Variants in ITLN2 observed in about 807,000 individuals in gnomAD.
ITLN2 encodes the protein intelectin-2.
In ITLN2, 29 loss-of-function variants were observed where a neutral mutation model predicts 39.4. The ratio of observed to expected loss-of-function variants is 0.74; its 90% CI spans 0.55 to 1.00. The LOEUF (loss-of-function observed/expected upper bound fraction) is 1.00. ITLN2 is among the 50% of genes least tolerant of loss of function. The pLI, the probability that ITLN2 is intolerant of heterozygous loss-of-function variation, is 0.00. For synonymous variants in ITLN2, 156 were observed against 153.4 expected (o/e 1.02, Z -0.12); for missense variants, 412 against 416.7 (o/e 0.99, Z 0.10).
intron 6 of ITLN2, chr1:160,949,748 A>G (rs1671696288): frequency 6.9e-6 from 2 of 289,118 alleles, no homozygotes; most frequent in African/African-American, 4.2e-5. Flanking sequence ...ACTTCTTTCT[A>G]CATAGACACA....
At position 160,951,034 on chromosome 1, in the gene ITLN2, G is replaced by A; in HGVS notation, c.441+9C>T. The A allele has an allele frequency of 6.2e-7, 1 of 1,614,188 alleles. No homozygotes were observed. Among genetic ancestry groups the A allele is most frequent in the South Asian group, 1.1e-5 (1 of 91,082 alleles). ...ACCCTCACCCAAGTAGGAGAGAAGTGGCACCAACCTTGTAGTCATCGCTCG... is the reference window on the plus strand; with the variant it reads ...ACCCTCACCCAAGTAGGAGAGAAGTAGCACCAACCTTGTAGTCATCGCTCG... On this transcript the variant is annotated intron_variant, in intron 4 of 7. Transcript: ENST00000368029.
At position 160,945,252 on chromosome 1, in the gene ITLN2, G is replaced by T; in HGVS notation, c.866C>A (p.Pro289His). The T allele has an allele frequency of 3.1e-6, 5 of 1,595,412 alleles. No homozygotes were observed. Among genetic ancestry groups the T allele is most frequent in the Non-Finnish European group, 3.4e-6 (4 of 1,175,228 alleles). Residue 289 changes from proline (P) to histidine (H), a missense_variant, in exon 8 of 8, where the codon CCC (proline) becomes CAC (histidine). Transcript: ENST00000368029. Reference protein sequence around the residue: ...GGGGFFPQGKPRQCGDFSAFD... With the variant: ...GGGGFFPQGKHRQCGDFSAFD... ...GGCGGAGAAGTCCCCACACTGACGGGGTTTGCCCTGTGGGAAGAACCCTCC... is the reference window on the plus strand; with the variant it reads ...GGCGGAGAAGTCCCCACACTGACGGTGTTTGCCCTGTGGGAAGAACCCTCC...
chr1:160,947,520 G>T (rs1446537733), intron 7 of ITLN2, among the ~76,000 whole-genome samples: 2 of 152,170 alleles, frequency 1.3e-5, no homozygotes, highest in African/African-American at 4.8e-5. Context: ...CCTCTCCCAT[G>T]AGGCCATATC....
intron 7 of ITLN2, among the ~76,000 whole-genome samples, chr1:160,945,873 T>C (rs1362021427): frequency 1.3e-5 from 2 of 152,090 alleles, no homozygotes; most frequent in African/African-American, 4.8e-5. Context: ...GGAAAAACAA[T>C]AAAAATATAA....
Position 160,952,601 on chromosome 1 carries a change from G to A in ITLN2, c.193+19C>T. The A allele has an allele frequency of 6.4e-7, 1 of 1,556,554 alleles. No homozygotes were observed. Among genetic ancestry groups the A allele is most frequent in the Non-Finnish European group, 8.9e-7 (1 of 1,127,704 alleles). ...AAAGTGGCTTCAAAGAGAGAATGCT[G>A]AGTTGGTTCATTACTCACCACCTGC... On this transcript the variant is annotated intron_variant, in intron 3 of 7. Coordinates refer to ENST00000368029, the MANE Select transcript of ITLN2 (RefSeq NM_080878.3).
Sources: allele counts gnomAD v4.1 joint callset (sites outside exome capture counted in the v4.1 genomes callset), GRCh38; gene constraint gnomAD v4.1.1; transcripts MANE v1.5; gene names NCBI Gene and HGNC (gene_info 2026-07-23, HGNC 2026-07-21).